Variants in DPF3 observed in about 807,000 individuals in gnomAD.
DPF3 encodes zinc finger protein DPF3.
A neutral mutation model predicts 56.8 loss-of-function variants in DPF3; 18 were observed. The observed-to-expected ratio is 0.32, with a 90% CI of 0.22 to 0.47. DPF3 has a LOEUF of 0.47. DPF3 is among the 20% of genes least tolerant of loss of function. The probability of loss-of-function intolerance (pLI) is 1.00; values close to 1 mark genes in which losing one functional copy is unlikely to be tolerated. For missense variants in DPF3, 403 were observed against 488.8 expected (o/e 0.82, Z 1.65); for synonymous variants, 188 against 180.2 (o/e 1.04, Z -0.35).
intron 8 of DPF3, among the ~76,000 whole-genome samples, chr14:72,665,862 G>T (rs116074505): frequency 6.6e-6 from 1 of 152,116 alleles, no homozygotes; most frequent in South Asian, 2.1e-4. Flanking sequence ...GGAATTCTTG[G>T]TAAAATCTTT....
At chr14:72,681,917 G>A (rs1285790337) in intron 7 of DPF3, among the ~76,000 whole-genome samples, 1 of 152,180 alleles carries the variant, frequency 6.6e-6, no homozygotes, top group Non-Finnish European at 1.5e-5. Context: ...AAAAGACCAA[G>A]TAAAGCTTAG....
intron 1 of DPF3, among the ~76,000 whole-genome samples, chr14:72,805,816 A>AC (rs5809592): frequency 0.91 from 138,515 of 152,140 alleles, 63,549 homozygotes; most frequent in East Asian, 1. Flanking sequence ...ACTGCACTCT[A>AC]CCTGGGTGAC....
chr14:72,782,227 ATTT>A (rs66977010), intron 1 of DPF3, among the ~76,000 whole-genome samples: 21,047 of 139,684 alleles, frequency 0.15, 1,571 homozygotes, highest in Middle Eastern at 0.33. Flanking sequence ...AGCCCAAGTG[ATTT>A]TTTTTTTTTT....
intron 3 of DPF3, among the ~76,000 whole-genome samples, chr14:72,745,719 C>A (rs1271930874): frequency 6.6e-6 from 1 of 152,150 alleles, no homozygotes; most frequent in Non-Finnish European, 1.5e-5. Context: ...ATGATCCTCA[C>A]CTCCTAGGAA....
At chr14:72,832,486 A>G (rs980425512) in intron 1 of DPF3, among the ~76,000 whole-genome samples, 6 of 152,142 alleles carry the variant, frequency 3.9e-5, no homozygotes, top group African/African-American at 1.4e-4. Flanking sequence ...TTAGAATCCA[A>G]ATACGATTTC....
intron 2 of DPF3, among the ~76,000 whole-genome samples, chr14:72,761,152 C>A (rs1387984741): frequency 6.6e-6 from 1 of 152,034 alleles, no homozygotes; most frequent in Admixed American, 6.6e-5. Context: ...AATACCCTAC[C>A]TCTCAATGAT....
At chr14:72,700,061 C>T (rs1888093012) in intron 6 of DPF3, among the ~76,000 whole-genome samples, 1 of 152,190 alleles carries the variant, frequency 6.6e-6, no homozygotes. Context: ...ATGATTTCAT[C>T]ATAGGGGCAA....
chr14:72,754,502 T>G (rs1890708887), intron 2 of DPF3, among the ~76,000 whole-genome samples: 1 of 152,182 alleles, frequency 6.6e-6, no homozygotes. Flanking sequence ...TATTGCAGCT[T>G]CCTTTAAAAT....
chr14:72,884,577 G>C (rs1886441620), intron 1 of DPF3, among the ~76,000 whole-genome samples: 1 of 151,946 alleles, frequency 6.6e-6, no homozygotes, highest in African/African-American at 2.4e-5. Context: ...GGAGACACAA[G>C]CTCTCCTGGC....
At chr14:72,694,182 T>C (rs925122661) in intron 6 of DPF3, among the ~76,000 whole-genome samples, 1 of 152,174 alleles carries the variant, frequency 6.6e-6, no homozygotes, top group African/African-American at 2.4e-5. Flanking sequence ...CCTCCCCACA[T>C]AGGGATCATT....
chr14:72,873,199 C>T (rs546783520), intron 1 of DPF3, among the ~76,000 whole-genome samples: 1 of 151,458 alleles, frequency 6.6e-6, no homozygotes, highest in African/African-American at 2.4e-5. Flanking sequence ...TATCCAGAAT[C>T]TACAATGAAC....
At chr14:72,739,183 A>G (rs1890026335) in intron 3 of DPF3, among the ~76,000 whole-genome samples, 1 of 151,854 alleles carries the variant, frequency 6.6e-6, no homozygotes, top group Non-Finnish European at 1.5e-5. Flanking sequence ...GGGAGGTTGC[A>G]GTGAGCCAAG....
intron 1 of DPF3, among the ~76,000 whole-genome samples, chr14:72,788,041 G>A (rs1892280395): frequency 6.6e-6 from 1 of 152,216 alleles, no homozygotes; most frequent in Non-Finnish European, 1.5e-5. Context: ...ACCAACAGGT[G>A]CCTAACTGCC....
intron 1 of DPF3, among the ~76,000 whole-genome samples, chr14:72,849,469 A>T (rs1223082049): frequency 3.3e-5 from 5 of 152,132 alleles, no homozygotes; most frequent in South Asian, 2.1e-4. Context: ...CACATCTTGG[A>T]CAGCATCCCC....
intron 8 of DPF3, chr14:72,661,696 G>T: frequency 1.0e-6 from 1 of 985,412 alleles, no homozygotes; most frequent in Non-Finnish European, 1.2e-6. Flanking sequence ...CTGAATTTGA[G>T]GTTCTCATCC....
intron 1 of DPF3, among the ~76,000 whole-genome samples, chr14:72,823,609 T>C (rs137958840): frequency 3.4e-4 from 52 of 152,276 alleles, no homozygotes; most frequent in African/African-American, 1.2e-3. Context: ...CCAAGACATT[T>C]CTGCACTCGA....
intron 5 of DPF3, among the ~76,000 whole-genome samples, chr14:72,717,595 ATACTT>A (rs1258721491): frequency 6.6e-6 from 1 of 152,210 alleles, no homozygotes; most frequent in East Asian, 1.9e-4. Context: ...ATGGCATTCT[ATACTT>A]TATTATGACC....
At chr14:72,865,967 A>C (rs543353444) in intron 1 of DPF3, among the ~76,000 whole-genome samples, 3 of 152,204 alleles carry the variant, frequency 2.0e-5, no homozygotes, top group Non-Finnish European at 2.9e-5. Flanking sequence ...GAATCACTTG[A>C]ACCCAGAAGG....
At chr14:72,862,067 A>G (rs1885460521) in intron 1 of DPF3, among the ~76,000 whole-genome samples, 1 of 152,218 alleles carries the variant, frequency 6.6e-6, no homozygotes, top group Non-Finnish European at 1.5e-5. Flanking sequence ...ATTAGAGCTA[A>G]TAAACATTTC....
Sources: gnomAD v4.1 joint callset for allele counts (sites outside exome capture counted in the v4.1 genomes callset) on GRCh38, gnomAD v4.1.1 for gene constraint, MANE v1.5 for transcripts, NCBI Gene and HGNC (gene_info 2026-07-23, HGNC 2026-07-21) for gene names.